SGCZ: variants seen among roughly 807,000 people sequenced by gnomAD.
The protein encoded by SGCZ is zeta-sarcoglycan.
A neutral mutation model predicts 41.3 loss-of-function variants in SGCZ; 40 were observed. The ratio of observed to expected loss-of-function variants is 0.97; its 90% CI spans 0.75 to 1.26. SGCZ has a LOEUF of 1.26. Among genes scored for constraint, SGCZ ranks in the 50% most tolerant of loss-of-function variants. SGCZ has a pLI of 0.00. For synonymous variants in SGCZ, 206 were observed against 137.5 expected (o/e 1.50, Z -3.49); for missense variants, 552 against 369.8 (o/e 1.49, Z -4.04).
At chr8:15,063,829 A>G (rs1805026463) in intron 1 of SGCZ, among the ~76,000 whole-genome samples, 1 of 152,154 alleles carries the variant, frequency 6.6e-6, no homozygotes. Flanking sequence ...TTAACTTACT[A>G]TAGTTTCTTC....
chr8:14,474,441 G>C (rs1044031693), intron 2 of SGCZ, among the ~76,000 whole-genome samples: 5 of 152,160 alleles, frequency 3.3e-5, no homozygotes, highest in African/African-American at 4.8e-5. Context: ...AGAAAGTGAT[G>C]CTAAAAATTA....
At chr8:15,215,258 G>A (rs1266570847) in intron 1 of SGCZ, among the ~76,000 whole-genome samples, 1 of 151,976 alleles carries the variant, frequency 6.6e-6, no homozygotes, top group Non-Finnish European at 1.5e-5. Flanking sequence ...TTCACTTTAT[G>A]AATATTTCAC....
chr8:14,121,891 T>G (rs978534950), intron 5 of SGCZ, among the ~76,000 whole-genome samples: 1 of 152,224 alleles, frequency 6.6e-6, no homozygotes, highest in Non-Finnish European at 1.5e-5. Flanking sequence ...AATTTTTTAT[T>G]ATGTCATATA....
chr8:14,217,354 T>C (rs34114926), intron 4 of SGCZ, among the ~76,000 whole-genome samples: 34,759 of 137,550 alleles, frequency 0.25, 5,358 homozygotes, highest in Non-Finnish European at 0.35. Flanking sequence ...CACGCACACA[T>C]ACAAATGGAT....
At chr8:14,782,427 GTTTGGT>G in intron 1 of SGCZ, among the ~76,000 whole-genome samples, 1 of 152,096 alleles carries the variant, frequency 6.6e-6, no homozygotes, top group Non-Finnish European at 1.5e-5. Context: ...GTATCTGTGT[GTTTGGT>G]TTTGGTTTAG....
intron 1 of SGCZ, among the ~76,000 whole-genome samples, chr8:14,978,333 G>T (rs1801548980): frequency 7.5e-6 from 1 of 134,150 alleles, no homozygotes; most frequent in South Asian, 2.2e-4. Context: ...GTTGGGCGTG[G>T]TGCCATGGGT....
intron 2 of SGCZ, among the ~76,000 whole-genome samples, chr8:14,526,748 C>T (rs79309935): frequency 1.3e-5 from 2 of 152,026 alleles, no homozygotes; most frequent in Non-Finnish European, 2.9e-5. Context: ...TCCTAGTGTG[C>T]GTACTTCATT....
At position 14,554,747 on chromosome 8, in the gene SGCZ, A is replaced by C; in HGVS notation, c.219T>G (p.Val73=). 1 of 1,612,494 alleles carries C rather than the reference A, an allele frequency of 6.2e-7. No homozygotes were observed. The highest frequency in any genetic ancestry group is 8.5e-7 in the Non-Finnish European group (1 of 1,179,050). Residue 73 remains valine, a synonymous_variant, in exon 2 of 8, where the codon GTT becomes GTG. Coordinates refer to ENST00000382080, the MANE Select transcript of SGCZ (RefSeq NM_139167.4). ...NLAMTIWILK[V]MNFTVDGMGN... The stretch of plus-strand genomic sequence containing the variant: ...TGGTACTTACCACAGTGAAATTCAT[A>C]ACTTTCAATATCCATATTGTCATGG...
intron 1 of SGCZ, among the ~76,000 whole-genome samples, chr8:14,635,783 C>A (rs1175264578): frequency 1.3e-5 from 2 of 151,564 alleles, no homozygotes; most frequent in East Asian, 3.9e-4. Flanking sequence ...TAGAACATAT[C>A]CCTGGATGTT....
intron 3 of SGCZ, among the ~76,000 whole-genome samples, chr8:14,290,095 A>T (rs191200374): frequency 1.2e-4 from 19 of 152,174 alleles, no homozygotes; most frequent in Non-Finnish European, 1.6e-4. Flanking sequence ...ACATATGGGG[A>T]TTACAACTTG....
chr8:14,873,985 G>A (rs888213903), intron 1 of SGCZ, among the ~76,000 whole-genome samples: 2 of 152,010 alleles, frequency 1.3e-5, no homozygotes, highest in African/African-American at 4.8e-5. Context: ...GTAGTCATAG[G>A]ATTAGCAACA....
intron 2 of SGCZ, among the ~76,000 whole-genome samples, chr8:14,549,481 AAGAT>A (rs1803734374): frequency 6.6e-6 from 1 of 152,072 alleles, no homozygotes; most frequent in African/African-American, 2.4e-5. Flanking sequence ...ATTAAATTTG[AAGAT>A]CCCTCTACTG....
chr8:14,394,517 A>T (rs929174495), intron 2 of SGCZ, among the ~76,000 whole-genome samples: 2 of 152,162 alleles, frequency 1.3e-5, no homozygotes, highest in African/African-American at 4.8e-5. Flanking sequence ...ATGATGACAC[A>T]TGTACATCTT....
At chr8:14,355,964 A>T (rs1169051037) in intron 2 of SGCZ, among the ~76,000 whole-genome samples, 4 of 152,174 alleles carry the variant, frequency 2.6e-5, no homozygotes, top group African/African-American at 9.7e-5. Flanking sequence ...TGTGAAAGTA[A>T]TACACATTCA....
chr8:14,410,049 T>TACC (rs1246096008), intron 2 of SGCZ, among the ~76,000 whole-genome samples: 1 of 152,106 alleles, frequency 6.6e-6, no homozygotes, highest in African/African-American at 2.4e-5. Context: ...CAGCCAGCAT[T>TACC]ACCGTCTGAG....
intron 2 of SGCZ, among the ~76,000 whole-genome samples, chr8:14,337,872 A>C (rs1407513444): frequency 6.6e-6 from 1 of 152,196 alleles, no homozygotes; most frequent in African/African-American, 2.4e-5. Context: ...TTGACACAAC[A>C]GATATAAATA....
rs1171273024 is a variant in SGCZ at position 14,087,740 on chromosome 8, T to A, written c.*2703A>T. Among the ~76,000 whole-genome samples, 1 of 151,620 alleles carries A rather than the reference T, an allele frequency of 6.6e-6. No individual in the cohort carries two copies. The highest frequency in any genetic ancestry group is 6.6e-5 in the Admixed American group (1 of 15,168). Reference sequence around the variant, plus strand: ...AAAAAAAAAAAAATGCTTTTTTGTGTTTGAATGTGGAAAACGAGGACATTT... The same window carrying A: ...AAAAAAAAAAAAATGCTTTTTTGTGATTGAATGTGGAAAACGAGGACATTT... On this transcript the variant is annotated 3_prime_UTR_variant, in exon 8 of 8. Transcript: ENST00000382080.
chr8:14,344,786 A>G (rs7014447), intron 2 of SGCZ, among the ~76,000 whole-genome samples: 8,639 of 152,194 alleles, frequency 0.057, 718 homozygotes, highest in African/African-American at 0.18. Flanking sequence ...AAATGAAAAT[A>G]TAAACCACGA....
At chr8:14,406,439 A>C (rs1799213500) in intron 2 of SGCZ, among the ~76,000 whole-genome samples, 1 of 152,076 alleles carries the variant, frequency 6.6e-6, no homozygotes, top group African/African-American at 2.4e-5. Flanking sequence ...TGAGAAGGGG[A>C]ATATCATTTC....
Sources: allele counts gnomAD v4.1 joint callset (sites outside exome capture counted in the v4.1 genomes callset), GRCh38; gene constraint gnomAD v4.1.1; transcripts MANE v1.5; gene names NCBI Gene and HGNC (gene_info 2026-07-23, HGNC 2026-07-21).